The following ADRA1B variants were observed in gnomAD, a reference collection of about 807,000 sequenced individuals.
ADRA1B encodes adrenoceptor alpha 1B, also known as alpha-1B adrenergic receptor.
Under a neutral mutation model 17.9 loss-of-function variants are expected in ADRA1B, and 17 were observed. The ratio of observed to expected loss-of-function variants is 0.95; its 90% CI spans 0.65 to 1.42. ADRA1B has a LOEUF of 1.42. ADRA1B is among the 40% of genes most tolerant of loss of function. ADRA1B has a pLI of 0.00. For synonymous variants in ADRA1B, 366 were observed against 327.6 expected, an observed-to-expected ratio of 1.12 and a Z score of -1.27; for missense variants, 681 against 722.1, an observed-to-expected ratio of 0.94 and a Z score of 0.65.
At chr5:159,923,942 A>T (rs1372178431) in intron 1 of ADRA1B, among the ~76,000 whole-genome samples, 1 of 152,266 alleles carries the variant, frequency 6.6e-6, no homozygotes, top group Non-Finnish European at 1.5e-5. Context: ...ACAGTGAGGG[A>T]ACTAGAGTTC....
chr5:159,896,555 A>G (rs1297304874), intron 1 of ADRA1B, among the ~76,000 whole-genome samples: 1 of 152,220 alleles, frequency 6.6e-6, no homozygotes, highest in Non-Finnish European at 1.5e-5. Context: ...TTAAAAAGCT[A>G]CTGTTTAGTG....
intron 1 of ADRA1B, among the ~76,000 whole-genome samples, chr5:159,953,770 G>A (rs1044551429): frequency 6.6e-6 from 1 of 152,194 alleles, no homozygotes; most frequent in Non-Finnish European, 1.5e-5. Context: ...AGGCATCTAA[G>A]AGATGTTCAA....
intron 1 of ADRA1B, among the ~76,000 whole-genome samples, chr5:159,950,062 G>C (rs538131176): frequency 6.6e-6 from 1 of 152,336 alleles, no homozygotes; most frequent in Non-Finnish European, 1.5e-5. Context: ...AGATCTTTCT[G>C]TGAGCCCTCC....
At chr5:159,968,468 A>C (rs559465823) in intron 1 of ADRA1B, among the ~76,000 whole-genome samples, 40 of 152,268 alleles carry the variant, frequency 2.6e-4, no homozygotes, top group Non-Finnish European at 5.1e-4. Flanking sequence ...ACAAAGTTAT[A>C]ATTTTTTCCT....
At chr5:159,983,751 G>C in the ADRA1B span, among the ~76,000 whole-genome samples, 1 of 152,090 alleles carries the variant, frequency 6.6e-6, no homozygotes. Context: ...TCTGGGGGCA[G>C]AGAGACAAGA....
intron 1 of ADRA1B, among the ~76,000 whole-genome samples, chr5:159,963,808 G>A (rs997718241): frequency 6.6e-6 from 1 of 152,132 alleles, no homozygotes; most frequent in Non-Finnish European, 1.5e-5. Context: ...TGACCTGCTG[G>A]GGCCATGTCC....
In ADRA1B at chr5:159,972,819, G is replaced by T. The variant is rs1472640175; in HGVS notation, c.*327G>T. 6.6e-6 allele frequency among the ~76,000 whole-genome samples: 1 copy of T among 152,194 alleles called. No homozygotes were observed. On this transcript the variant is annotated 3_prime_UTR_variant, in exon 2 of 2. Transcript: ENST00000306675. ...GTGCACGTGAGTGTGACTGTGCGGT[G>T]TGCGTGTGTTCCGCTTGTGTGTGTG...
intron 1 of ADRA1B, among the ~76,000 whole-genome samples, chr5:159,930,232 T>C (rs958897675): frequency 1.3e-5 from 2 of 152,260 alleles, no homozygotes; most frequent in African/African-American, 4.8e-5. Context: ...GATAAATTCC[T>C]AAAAATGTAG....
chr5:159,952,576 G>A (rs1039969422), intron 1 of ADRA1B, among the ~76,000 whole-genome samples: 28 of 152,098 alleles, frequency 1.8e-4, no homozygotes, highest in African/African-American at 6.8e-4. Flanking sequence ...ATAGCTCCAT[G>A]ACTGAGTAAA....
chr5:159,940,690 A>T (rs1755100098), intron 1 of ADRA1B, among the ~76,000 whole-genome samples: 1 of 152,210 alleles, frequency 6.6e-6, no homozygotes, highest in South Asian at 2.1e-4. Context: ...ACACACACAA[A>T]TGCATACACA....
intron 1 of ADRA1B, among the ~76,000 whole-genome samples, chr5:159,953,840 A>C (rs529556262): frequency 6.6e-6 from 1 of 152,272 alleles, no homozygotes; most frequent in East Asian, 1.9e-4. Flanking sequence ...GCGATAATCC[A>C]AAACCTATGC....
chr5:159,924,220 G>A (rs1283721218), intron 1 of ADRA1B, among the ~76,000 whole-genome samples: 2 of 108,262 alleles, frequency 1.8e-5, no homozygotes, highest in Non-Finnish European at 4.7e-5. Flanking sequence ...TTCTATTTGG[G>A]GACACTGAAA....
At chr5:159,884,336 T>C (rs1753900521) in intron 1 of ADRA1B, among the ~76,000 whole-genome samples, 1 of 152,190 alleles carries the variant, frequency 6.6e-6, no homozygotes, top group Non-Finnish European at 1.5e-5. Flanking sequence ...TAAGAGGTGA[T>C]TAGGTCATGT....
At chr5:159,930,569 G>T (rs1231421472) in intron 1 of ADRA1B, among the ~76,000 whole-genome samples, 1 of 152,076 alleles carries the variant, frequency 6.6e-6, no homozygotes, top group Non-Finnish European at 1.5e-5. Flanking sequence ...ACAGGGTGAG[G>T]CTCCATCTCA....
At chr5:159,945,115 C>G (rs928824688) in intron 1 of ADRA1B, among the ~76,000 whole-genome samples, 2 of 152,162 alleles carry the variant, frequency 1.3e-5, no homozygotes, top group African/African-American at 2.4e-5. Flanking sequence ...TGCGGTGGCT[C>G]ACGCCTATAA....
intron 1 of ADRA1B, chr5:159,951,535 A>G (rs1203956955): frequency 1.6e-6 from 1 of 622,862 alleles, no homozygotes; most frequent in Non-Finnish European, 2.9e-6. Flanking sequence ...GCACGAGAAG[A>G]TGCAGCTGTC....
chr5:159,883,949 A>G (rs989274518), intron 1 of ADRA1B, among the ~76,000 whole-genome samples: 5 of 152,192 alleles, frequency 3.3e-5, no homozygotes, highest in Non-Finnish European at 4.4e-5. Flanking sequence ...TATACCCTCA[A>G]TACCAAACAC....
At chr5:159,952,170 G>A (rs1755455953) in intron 1 of ADRA1B, among the ~76,000 whole-genome samples, 1 of 151,974 alleles carries the variant, frequency 6.6e-6, no homozygotes, top group Non-Finnish European at 1.5e-5. Flanking sequence ...CTTATTCTTG[G>A]GGGATATGTT....
downstream of ADRA1B, among the ~76,000 whole-genome samples, chr5:159,976,646 T>C (rs368151343): frequency 3.3e-4 from 48 of 143,546 alleles, 1 homozygote; most frequent in African/African-American, 1.2e-3. Flanking sequence ...TATCTCACTG[T>C]CTCAAAAAAA....
Sources: gnomAD v4.1 joint callset for allele counts (sites outside exome capture counted in the v4.1 genomes callset) on GRCh38, gnomAD v4.1.1 for gene constraint, MANE v1.5 for transcripts, NCBI Gene and HGNC (gene_info 2026-07-23, HGNC 2026-07-21) for gene names.